LPGAT1: variants seen among roughly 807,000 people sequenced by gnomAD.
The protein encoded by LPGAT1 is lysophosphatidylglycerol acyltransferase 1, also known as acyl-CoA:lysophosphatidylglycerol acyltransferase 1.
Under a neutral mutation model 47.5 loss-of-function variants are expected in LPGAT1, and 11 were observed. The observed-to-expected ratio is 0.23, with a 90% CI of 0.15 to 0.38. The LOEUF (loss-of-function observed/expected upper bound fraction) is 0.38, where lower values mean the gene tolerates loss of function less well. Ranked by LOEUF, LPGAT1 falls within the 10% of genes least tolerant of loss-of-function variation. The pLI, the probability that LPGAT1 is intolerant of heterozygous loss-of-function variation, is 1.00. For synonymous variants in LPGAT1, 138 were observed against 144.2 expected (o/e 0.96, Z 0.31); for missense variants, 293 against 439.0 (o/e 0.67, Z 2.97).
intron 6 of LPGAT1, among the ~76,000 whole-genome samples, chr1:211,772,444 T>G (rs961725577): frequency 2.0e-5 from 3 of 152,200 alleles, no homozygotes; most frequent in Admixed American, 1.3e-4. Flanking sequence ...CAAATTTTTG[T>G]CCAGTGTCTT....
intron 4 of LPGAT1, among the ~76,000 whole-genome samples, chr1:211,784,905 G>A (rs948064238): frequency 1.0e-4 from 15 of 150,514 alleles, no homozygotes; most frequent in Admixed American, 1.3e-4. Context: ...CCGGGTTCAC[G>A]CCATTCTCCT....
intron 6 of LPGAT1, among the ~76,000 whole-genome samples, chr1:211,752,848 C>T (rs76231407): frequency 1.3e-5 from 2 of 151,038 alleles, no homozygotes; most frequent in Non-Finnish European, 3.0e-5. Flanking sequence ...TGCCTAATAA[C>T]CTTTACATTT....
chr1:211,805,300 C>A (rs778073262), intron 2 of LPGAT1, among the ~76,000 whole-genome samples: 1 of 152,070 alleles, frequency 6.6e-6, no homozygotes. Flanking sequence ...ATAAACCCAT[C>A]GTAAGTTGAA....
rs78791498 is a variant in LPGAT1 at position 211,791,774 on chromosome 1, C to CA, written c.357+1297dup. Among the ~76,000 whole-genome samples the CA allele has an allele frequency of 2.5e-3, 299 of 121,654 alleles. 4 individuals carry two copies. The East Asian group carries it at 0.025, about 10-fold the overall frequency. The allele number at this position is 121,654 out of a possible 152,430, so 79.8% of individuals were successfully genotyped here. A position where few individuals can be genotyped will look rare whatever the true frequency, so the allele number is the denominator to read the frequency against. On this transcript the variant is annotated intron_variant, in intron 3 of 7. Transcript: ENST00000366997. ...AAAAAAAAAAAAAAAAACAAACAAA[C>CA]AAAAAAAAAAAACAAAAAAAAACAT...
rs1660689735 is a variant in LPGAT1 at position 211,830,301 on chromosome 1, G to A, written c.-28+272C>T. On this transcript the variant is annotated intron_variant, in intron 1 of 7. Transcript: ENST00000366997. The surrounding 1 kb of genome is among the most constrained non-coding windows in gnomAD (Gnocchi z 5.9). ...GGCCCGAGGCGCTGCGCGAGCGGGC[G>A]CGCTGGCGCCCTACTCCCCTCGCGG... The A allele has an allele frequency of 9.3e-7, 1 of 1,070,830 alleles. No individual in the cohort carries two copies. The highest frequency in any genetic ancestry group is 4.5e-5 in the South Asian group (1 of 22,096). 66.3% of individuals were successfully genotyped at this position (1,070,830 alleles called of 1,614,324 possible). A position where few individuals can be genotyped will look rare whatever the true frequency, so the allele number is the denominator to read the frequency against.
intron 6 of LPGAT1, among the ~76,000 whole-genome samples, chr1:211,778,080 C>T (rs965468874): frequency 3.3e-4 from 51 of 152,266 alleles, no homozygotes; most frequent in African/African-American, 1.1e-3. Context: ...CGGTGGCTCA[C>T]GCCTGTAATC....
chr1:211,820,846 A>G (rs1467529821), intron 2 of LPGAT1, among the ~76,000 whole-genome samples: 1 of 152,210 alleles, frequency 6.6e-6, no homozygotes, highest in Non-Finnish European at 1.5e-5. Context: ...AAATATTAAA[A>G]AGGCACACAT....
In LPGAT1 at chr1:211,746,609, A is replaced by T. The variant is rs1656953787; in HGVS notation, c.*3290T>A. 1 of 152,232 alleles carries T rather than the reference A, an allele frequency of 6.6e-6. No homozygotes were observed. Among genetic ancestry groups the T allele is most frequent in the Non-Finnish European group, 1.5e-5 (1 of 68,038 alleles). The allele number at this position is 152,232 out of a possible 1,614,324, so 9.4% of individuals were successfully genotyped here. ...CAGATTATCTATCCAGAAAGTAATC[A>T]ATCTAGTAATCCTTCCTTTATAGTG... On this transcript the variant is annotated 3_prime_UTR_variant, in exon 8 of 8. Transcript: ENST00000366997.
intron 6 of LPGAT1, among the ~76,000 whole-genome samples, chr1:211,757,191 T>C (rs1571694864): frequency 6.6e-6 from 1 of 150,946 alleles, no homozygotes; most frequent in African/African-American, 2.4e-5. Context: ...AAGGCGGAGG[T>C]TGCAGTGAGC....
At chr1:211,784,496 A>C (rs1658772381) in intron 4 of LPGAT1, among the ~76,000 whole-genome samples, 1 of 151,232 alleles carries the variant, frequency 6.6e-6, no homozygotes, top group Admixed American at 6.6e-5. Flanking sequence ...GTCTCAAAAA[A>C]AAAAAAAAAA....
intron 6 of LPGAT1, among the ~76,000 whole-genome samples, chr1:211,772,164 C>G (rs1374131729): frequency 1.3e-5 from 2 of 152,260 alleles, no homozygotes; most frequent in East Asian, 3.9e-4. Flanking sequence ...TATTGTGAAT[C>G]AACAGTCCCA....
intron 2 of LPGAT1, among the ~76,000 whole-genome samples, chr1:211,810,145 T>C (rs932539401): frequency 6.6e-6 from 1 of 152,126 alleles, no homozygotes; most frequent in African/African-American, 2.4e-5. Context: ...AAAACACAGA[T>C]GGTAAATATA....
At chr1:211,809,563 G>A (rs531967008) in intron 2 of LPGAT1, among the ~76,000 whole-genome samples, 89 of 152,182 alleles carry the variant, frequency 5.8e-4, no homozygotes, top group Admixed American at 9.2e-4. Flanking sequence ...CCCATGTGTC[G>A]TGGGAGGGAC....
intron 2 of LPGAT1, among the ~76,000 whole-genome samples, chr1:211,816,899 T>C (rs1174027940): frequency 6.6e-6 from 1 of 152,230 alleles, no homozygotes; most frequent in Non-Finnish European, 1.5e-5. Context: ...ATCTCTAATA[T>C]ACTTATTTTG....
At chr1:211,823,501 C>T (rs1339352177) in intron 2 of LPGAT1, among the ~76,000 whole-genome samples, 1 of 152,118 alleles carries the variant, frequency 6.6e-6, no homozygotes, top group Non-Finnish European at 1.5e-5. Context: ...CCCTTGTACC[C>T]CTGTATATTT....
At chr1:211,814,552 G>A (rs1660105075) in intron 2 of LPGAT1, among the ~76,000 whole-genome samples, 1 of 152,156 alleles carries the variant, frequency 6.6e-6, no homozygotes, top group Non-Finnish European at 1.5e-5. Flanking sequence ...ATGGAGTGCT[G>A]ATATGCATTC....
In LPGAT1 at chr1:211,748,672, A is replaced by G. The variant is rs1126968; in HGVS notation, c.*1227T>C. The G allele has an allele frequency of 0.084, 12,762 of 152,760 alleles. 656 individuals are homozygous for G. The highest frequency in any genetic ancestry group is 0.15 in the Admixed American group (2,299 of 15,296). The allele number at this position is 152,760 out of a possible 1,614,324, so 9.5% of individuals were successfully genotyped here. On this transcript the variant is annotated 3_prime_UTR_variant, in exon 8 of 8. Coordinates refer to ENST00000366997, the MANE Select transcript of LPGAT1 (RefSeq NM_014873.3). ...TGCACTACAGCCTGGGTGACAGAGT[A>G]AGACCTGTCTAAAAAAAAAAGAAAA...
At chr1:211,757,254 CAA>C (rs201385915) in intron 6 of LPGAT1, among the ~76,000 whole-genome samples, 4 of 135,304 alleles carry the variant, frequency 3.0e-5, no homozygotes, top group East Asian at 2.1e-4. Context: ...AATTCTGTCT[CAA>C]AAAAAAAAAA....
chr1:211,793,303 C>T, intron 2 of LPGAT1, 113 bp from the exon 3 acceptor site: 2 of 594,842 alleles, frequency 3.4e-6, no homozygotes, highest in Non-Finnish European at 2.9e-6. Flanking sequence ...CTAGCTAAAA[C>T]ATCCGAAAGT....
Sources: gnomAD v4.1 joint callset for allele counts (sites outside exome capture counted in the v4.1 genomes callset) on GRCh38, gnomAD v4.1.1 for gene constraint, Gnocchi (gnomAD v3.1) non-coding constraint, MANE v1.5 for transcripts, NCBI Gene and HGNC (gene_info 2026-07-23, HGNC 2026-07-21) for gene names.